Variants in MTUS1 observed in about 807,000 individuals in gnomAD.
MTUS1 encodes microtubule-associated tumor suppressor 1.
MTUS1 carries 109 observed loss-of-function variants against 120.8 expected under a neutral mutation model. The observed-to-expected ratio is 0.90, with a 90% CI of 0.77 to 1.06. MTUS1 has a LOEUF of 1.06. Ranked by LOEUF, MTUS1 falls within the 50% of genes least tolerant of loss-of-function variation. The pLI is 0.00. For missense variants in MTUS1, 2,210 were observed against 1,486.3 expected (o/e 1.49, Z -8.01); for synonymous variants, 737 against 550.5 (o/e 1.34, Z -4.74).
chr8:17,671,616 T>C (rs897167295), intron 8 of MTUS1, among the ~76,000 whole-genome samples: 18 of 152,198 alleles, frequency 1.2e-4, no homozygotes, highest in Non-Finnish European at 7.3e-5. Context: ...CAGTGGATGC[T>C]GGGACAGCTG....
chr8:17,786,753 T>C (rs980196719), intron 1 of MTUS1, among the ~76,000 whole-genome samples: 3 of 152,264 alleles, frequency 2.0e-5, no homozygotes, highest in African/African-American at 2.4e-5. Context: ...CCGAGCGGTA[T>C]GAAGGAGCTG....
In MTUS1 at chr8:17,697,404, A is replaced by G. The variant is rs139739703; in HGVS notation, c.2624-12862T>C. Reference sequence around the variant, plus strand: ...TCTTCGGAGCAGGTGGCGAGATTTCACAGAAGAGGCAATTTCCATGGACTG... The same window carrying G: ...TCTTCGGAGCAGGTGGCGAGATTTCGCAGAAGAGGCAATTTCCATGGACTG... On this transcript the variant is annotated intron_variant, in intron 6 of 14. Transcript: ENST00000693296. 368 of 1,612,620 alleles carry G rather than the reference A, an allele frequency of 2.3e-4. 2 individuals are homozygous for G. In the African/African-American group the frequency reaches 4.4e-3, roughly 19 times the overall value.
chr8:17,764,643 C>CGGTCTGTG (rs1245412739), intron 1 of MTUS1, among the ~76,000 whole-genome samples: 1 of 152,198 alleles, frequency 6.6e-6, no homozygotes, highest in Non-Finnish European at 1.5e-5. Context: ...ACAGGATGTG[C>CGGTCTGTG]GGTCTGTGCT....
intron 3 of MTUS1, among the ~76,000 whole-genome samples, chr8:17,733,305 C>T (rs185115625): frequency 6.1e-4 from 92 of 151,208 alleles, no homozygotes; most frequent in African/African-American, 2.2e-3. Context: ...GAGCCAAGAT[C>T]ATGCCATTGC....
intron 12 of MTUS1, among the ~76,000 whole-genome samples, chr8:17,651,425 T>C (rs1313872869): frequency 2.6e-5 from 4 of 152,148 alleles, no homozygotes; most frequent in South Asian, 2.1e-4. Flanking sequence ...ACACAGTCTA[T>C]GATTGTCTCA....
At chr8:17,781,224 T>A (rs1467363302) in intron 1 of MTUS1, among the ~76,000 whole-genome samples, 1 of 152,210 alleles carries the variant, frequency 6.6e-6, no homozygotes, top group Non-Finnish European at 1.5e-5. Flanking sequence ...TCATAGCCAA[T>A]CAGCAAACAA....
intron 7 of MTUS1, among the ~76,000 whole-genome samples, chr8:17,682,869 T>C (rs144659838): frequency 7.9e-5 from 12 of 152,198 alleles, no homozygotes; most frequent in African/African-American, 2.9e-4. Flanking sequence ...AAAAATACCA[T>C]ATACTATTAC....
At chr8:17,657,972 T>C (rs977150243) in intron 8 of MTUS1, among the ~76,000 whole-genome samples, 16 of 150,664 alleles carry the variant, frequency 1.1e-4, no homozygotes, top group Non-Finnish European at 2.4e-4. Flanking sequence ...TATACATGCA[T>C]ATACATATAC....
chr8:17,655,681 G>C (rs1808055915), intron 9 of MTUS1, among the ~76,000 whole-genome samples, 182 bp downstream of exon 9: 1 of 152,128 alleles, frequency 6.6e-6, no homozygotes, highest in Admixed American at 6.5e-5. Context: ...CCAAGATCAA[G>C]CCACTGTACT....
chr8:17,688,472 A>T (rs1457347754), intron 6 of MTUS1, among the ~76,000 whole-genome samples: 1 of 152,214 alleles, frequency 6.6e-6, no homozygotes, highest in African/African-American at 2.4e-5. Context: ...TTGCATTAAA[A>T]ACCGATGTTT....
chr8:17,724,006 T>C, intron 3 of MTUS1, 173 bp from the exon 4 acceptor site: 2 of 599,598 alleles, frequency 3.3e-6, no homozygotes, highest in Non-Finnish European at 5.8e-6. Flanking sequence ...GACATGTTTA[T>C]TTTTGATCAT....
intron 3 of MTUS1, among the ~76,000 whole-genome samples, chr8:17,738,431 T>C (rs1449048980): frequency 6.6e-6 from 1 of 152,190 alleles, no homozygotes; most frequent in South Asian, 2.1e-4. Flanking sequence ...ATATTTATCA[T>C]CTAAAACCTG....
Position 17,702,839 on chromosome 8 carries a change from G to A in MTUS1, c.2623+10375C>T, listed in dbSNP as rs188349291. Among the ~76,000 whole-genome samples the A allele has an allele frequency of 3.3e-5, 5 of 152,282 alleles. No individual in the cohort carries two copies. The East Asian group carries it at 9.7e-4, about 29-fold the overall frequency. The stretch of plus-strand genomic sequence containing the variant: ...AATGACCATTGTTGCAGGGAGTCAG[G>A]GACCCCGAATGGAGGGACCGGCTGG... On this transcript the variant is annotated intron_variant, in intron 6 of 14. Coordinates refer to ENST00000693296, the MANE Select transcript of MTUS1 (RefSeq NM_001363059.2).
chr8:17,739,906 A>C (rs1429345666), intron 3 of MTUS1, among the ~76,000 whole-genome samples: 1 of 152,212 alleles, frequency 6.6e-6, no homozygotes, highest in African/African-American at 2.4e-5. Flanking sequence ...AATCTCTTAT[A>C]ATCTGGTCTC....
At chr8:17,680,884 C>T (rs1160588085) in intron 7 of MTUS1, among the ~76,000 whole-genome samples, 1 of 151,974 alleles carries the variant, frequency 6.6e-6, no homozygotes, top group Non-Finnish European at 1.5e-5. Flanking sequence ...CCCGGGCCTT[C>T]GTTCACTGGG....
Position 17,713,090 on chromosome 8 carries a change from G to C in MTUS1, c.2623+124C>G, listed in dbSNP as rs1821652099. 7 of 796,704 alleles carry C rather than the reference G, an allele frequency of 8.8e-6. No individual in the cohort carries two copies. In the East Asian group the frequency reaches 1.0e-4, roughly 12 times the overall value. 49.4% of individuals were successfully genotyped at this position (796,704 alleles called of 1,614,324 possible). On this transcript the variant is annotated intron_variant, in intron 6 of 14. Transcript: ENST00000693296. ...TATGCGACCCGTCATAAAAAGTTAG[G>C]TTTACACCTCAAATTGGAAATTCTA...
intron 6 of MTUS1, among the ~76,000 whole-genome samples, chr8:17,701,231 T>C (rs993371794): frequency 2.0e-5 from 3 of 152,238 alleles, no homozygotes; most frequent in Non-Finnish European, 2.9e-5. Context: ...CAACATTTTC[T>C]TCATTTTACT....
intron 1 of MTUS1, among the ~76,000 whole-genome samples, chr8:17,774,965 T>A (rs2050296249): frequency 2.5e-5 from 2 of 79,158 alleles, no homozygotes; most frequent in African/African-American, 4.7e-5. Context: ...CTGAAAATAT[T>A]ATAAGTAAAA....
chr8:17,745,218 C>A (rs768960928), intron 2 of MTUS1, among the ~76,000 whole-genome samples: 1 of 152,112 alleles, frequency 6.6e-6, no homozygotes, highest in Non-Finnish European at 1.5e-5. Flanking sequence ...AGTTGTCCCT[C>A]GGTATCAAAA....
Sources: allele counts gnomAD v4.1 joint callset (sites outside exome capture counted in the v4.1 genomes callset), GRCh38; gene constraint gnomAD v4.1.1; transcripts MANE v1.5; gene names NCBI Gene and HGNC (gene_info 2026-07-23, HGNC 2026-07-21).